The following KCNMA1 variants were observed in gnomAD, a reference collection of about 807,000 sequenced individuals.
KCNMA1 encodes the protein potassium calcium-activated channel subfamily M alpha 1.
A neutral mutation model predicts 140.0 loss-of-function variants in KCNMA1; 29 were observed. The observed-to-expected ratio is 0.21, with a 90% CI of 0.15 to 0.28. KCNMA1 has a LOEUF of 0.28. Ranked by LOEUF, KCNMA1 falls within the 10% of genes least tolerant of loss-of-function variation. The pLI is 1.00. For synonymous variants in KCNMA1, 612 were observed against 611.9 expected (o/e 1.00, Z 0.00); for missense variants, 880 against 1,602.2 (o/e 0.55, Z 7.70).
At chr10:77,085,859 T>C (rs1027702293) in intron 11 of KCNMA1, among the ~76,000 whole-genome samples, 5 of 152,188 alleles carry the variant, frequency 3.3e-5, no homozygotes, top group Non-Finnish European at 5.9e-5. Flanking sequence ...ATAGGTAAAG[T>C]AGCAGATGCC....
chr10:76,979,133 A>C (rs75114367), intron 19 of KCNMA1, among the ~76,000 whole-genome samples: 2,723 of 152,282 alleles, frequency 0.018, 88 homozygotes, highest in African/African-American at 0.063. Context: ...ACAGAACTGG[A>C]CAAGGCAAAT....
At chr10:77,352,708 G>C (rs2093041323) in intron 2 of KCNMA1, among the ~76,000 whole-genome samples, 1 of 152,110 alleles carries the variant, frequency 6.6e-6, no homozygotes, top group South Asian at 2.1e-4. Flanking sequence ...ACTGGCCTAT[G>C]GCCAGGGTCT....
rs1384854564 is a variant in KCNMA1 at position 77,474,541 on chromosome 10, G to A, written c.379-70518C>T. Among the ~76,000 whole-genome samples the A allele has an allele frequency of 2.0e-5, 3 of 152,134 alleles. No individual in the cohort carries two copies. In the East Asian group the frequency reaches 5.8e-4, roughly 29 times the overall value. ...CTAGCAGGGTGAGAAGGTAACTGTC[G>A]GTTGTGTGAGCCACCCAGGCGATGG... is the stretch of plus-strand genomic sequence containing the variant. On this transcript the variant is annotated intron_variant, in intron 1 of 27. Coordinates refer to ENST00000286628, the MANE Select transcript of KCNMA1 (RefSeq NM_001161352.2).
At position 77,031,670 on chromosome 10, in the gene KCNMA1, GT is replaced by G. The variant is rs576660284; in HGVS notation, c.1860-3780del. ...ATCCTGGGCTTAAGGACTGCATCCT[GT>G]TGCAGAGATGCAGCCTCTGTTGGAG... On this transcript the variant is annotated intron_variant, in intron 15 of 27. Coordinates refer to ENST00000286628, the MANE Select transcript of KCNMA1 (RefSeq NM_001161352.2). Among the ~76,000 whole-genome samples the G allele has an allele frequency of 7.3e-3, 1,114 of 152,340 alleles. 18 individuals carry two copies. Among genetic ancestry groups the G allele is most frequent in the African/African-American group, 0.026 (1,072 of 41,576 alleles).
At chr10:77,606,896 C>G (rs924340104) in intron 1 of KCNMA1, among the ~76,000 whole-genome samples, 1 of 152,172 alleles carries the variant, frequency 6.6e-6, no homozygotes, top group South Asian at 2.1e-4. Flanking sequence ...CCCCAAAACC[C>G]GTGCAACCCT....
chr10:77,438,507 G>A (rs1335510429), intron 1 of KCNMA1, among the ~76,000 whole-genome samples: 7 of 151,020 alleles, frequency 4.6e-5, no homozygotes, highest in Admixed American at 4.6e-4. Context: ...AGGCTGCAGT[G>A]AGCCGAGATT....
At chr10:77,169,002 A>G (rs1285732041) in intron 5 of KCNMA1, among the ~76,000 whole-genome samples, 2 of 152,264 alleles carry the variant, frequency 1.3e-5, no homozygotes, top group African/African-American at 4.8e-5. Flanking sequence ...GCAGTAGGCC[A>G]GAGTGGCTAA....
At chr10:77,214,391 A>G (rs1009227062) in intron 3 of KCNMA1, among the ~76,000 whole-genome samples, 3 of 151,984 alleles carry the variant, frequency 2.0e-5, no homozygotes, top group Non-Finnish European at 4.4e-5. Context: ...GCTCTCCAAC[A>G]CTGCACTTAC....
At chr10:77,313,626 G>A (rs1379193537) in intron 2 of KCNMA1, among the ~76,000 whole-genome samples, 1 of 152,126 alleles carries the variant, frequency 6.6e-6, no homozygotes, top group East Asian at 1.9e-4. Flanking sequence ...GCAACCCCAG[G>A]AAACCTAATC....
In KCNMA1 at chr10:77,108,322, T is replaced by G; in HGVS notation, c.1223+159A>C. On this transcript the variant is annotated intron_variant, in intron 9 of 27. Coordinates refer to ENST00000286628, the MANE Select transcript of KCNMA1 (RefSeq NM_001161352.2). The surrounding 1 kb of genome is among the most constrained non-coding windows in gnomAD (Gnocchi z 4.6). ...ATGTTTGTTAAAAGTCCCGCCGAAT[T>G]TATTCCGACTCAGGATGAGAGCAGC... 6.5e-7 allele frequency: 1 copy of G among 1,538,382 alleles called. No individual in the cohort carries two copies. The highest frequency in any genetic ancestry group is 8.7e-7 in the Non-Finnish European group (1 of 1,151,216).
intron 5 of KCNMA1, among the ~76,000 whole-genome samples, chr10:77,181,752 C>T (rs1035520536): frequency 3.3e-5 from 5 of 151,838 alleles, no homozygotes; most frequent in African/African-American, 4.8e-5. Flanking sequence ...AATCAGGATA[C>T]GATACGGAGA....
At chr10:76,941,782 C>A (rs1298512142) in intron 23 of KCNMA1, among the ~76,000 whole-genome samples, 1 of 152,142 alleles carries the variant, frequency 6.6e-6, no homozygotes, top group Non-Finnish European at 1.5e-5. Flanking sequence ...GCTCCTGTAA[C>A]AAACACCATA....
Position 77,431,294 on chromosome 10 carries a change from A to G in KCNMA1, c.379-27271T>C, listed in dbSNP as rs144842173. Among the ~76,000 whole-genome samples the G allele has an allele frequency of 3.9e-3, 589 of 152,320 alleles. 2 individuals carry two copies. The highest frequency in any genetic ancestry group is 0.013 in the African/African-American group (548 of 41,570). Reference sequence around the variant, plus strand: ...GGCTCCCATTCTCAGATTGCAAACAATAGAACTAATATTGACAGAGAAACT... The same window carrying G: ...GGCTCCCATTCTCAGATTGCAAACAGTAGAACTAATATTGACAGAGAAACT... On this transcript the variant is annotated intron_variant, in intron 1 of 27. Transcript: ENST00000286628.
chr10:77,585,967 C>T (rs1343944381), intron 1 of KCNMA1, among the ~76,000 whole-genome samples: 1 of 152,226 alleles, frequency 6.6e-6, no homozygotes, highest in Non-Finnish European at 1.5e-5. Flanking sequence ...GCCAGAATGG[C>T]TTTCCAGAAC....
chr10:76,955,430 C>G (rs1372549001), intron 20 of KCNMA1, among the ~76,000 whole-genome samples: 2 of 152,128 alleles, frequency 1.3e-5, no homozygotes, highest in African/African-American at 4.8e-5. Flanking sequence ...TTTCTCACTG[C>G]CTTTATTTAT....
chr10:77,286,049 C>G (rs1363700088), intron 2 of KCNMA1, among the ~76,000 whole-genome samples: 2 of 152,162 alleles, frequency 1.3e-5, no homozygotes, highest in East Asian at 3.8e-4. Flanking sequence ...GTTTCCTTAT[C>G]TCTATCACTC....
At chr10:77,245,435 T>G (rs1195264675) in intron 3 of KCNMA1, among the ~76,000 whole-genome samples, 1 of 152,202 alleles carries the variant, frequency 6.6e-6, no homozygotes, top group Non-Finnish European at 1.5e-5. Context: ...GTCTTGGGGC[T>G]GAGCACAGGA....
At chr10:77,043,146 CT>C (rs1393322756) in intron 14 of KCNMA1, among the ~76,000 whole-genome samples, 1 of 152,222 alleles carries the variant, frequency 6.6e-6, no homozygotes, top group African/African-American at 2.4e-5. Flanking sequence ...CTTCCACATC[CT>C]TGTGTAGACC....
chr10:77,038,296 G>C (rs1433436806), intron 15 of KCNMA1, among the ~76,000 whole-genome samples: 1 of 152,148 alleles, frequency 6.6e-6, no homozygotes, highest in African/African-American at 2.4e-5. Context: ...AGCCTGATCA[G>C]TTTTGTTTCG....
Sources: allele counts gnomAD v4.1 joint callset (sites outside exome capture counted in the v4.1 genomes callset), GRCh38; gene constraint gnomAD v4.1.1; non-coding constraint Gnocchi (gnomAD v3.1); transcripts MANE v1.5; gene names NCBI Gene and HGNC (gene_info 2026-07-23, HGNC 2026-07-21).